The following FBXO36 variants were observed in gnomAD, a reference collection of about 807,000 sequenced individuals.
FBXO36 encodes the protein F-box only protein 36.
In FBXO36, 18 loss-of-function variants were observed where a neutral mutation model predicts 17.0. The observed-to-expected ratio is 1.06, with a 90% CI of 0.73 to 1.57. The LOEUF is 1.57. FBXO36 is among the 40% of genes most tolerant of loss of function. The probability of loss-of-function intolerance (pLI) is 0.00; values close to 1 mark genes in which losing one functional copy is unlikely to be tolerated. For synonymous variants in FBXO36, 83 were observed against 85.3 expected (o/e 0.97, Z 0.15); for missense variants, 229 against 221.9 (o/e 1.03, Z -0.20).
chr2:230,004,274 A>C (rs550117680), intron 3 of FBXO36, among the ~76,000 whole-genome samples: 1 of 152,286 alleles, frequency 6.6e-6, no homozygotes, highest in African/African-American at 2.4e-5. Flanking sequence ...GCCAAGCTCA[A>C]GGGCAAGGAT....
At chr2:229,954,990 C>T (rs1577339120) in intron 1 of FBXO36, among the ~76,000 whole-genome samples, 1 of 151,900 alleles carries the variant, frequency 6.6e-6, no homozygotes, top group African/African-American at 2.4e-5. Flanking sequence ...GCTGGGACTA[C>T]GGACATGCGC....
chr2:229,929,094 C>T (rs1194126965), intron 1 of FBXO36, among the ~76,000 whole-genome samples: 4 of 151,716 alleles, frequency 2.6e-5, no homozygotes, highest in South Asian at 2.1e-4. Flanking sequence ...CCACCCCGCC[C>T]GGCTAATTTT....
chr2:230,005,276 G>A (rs967567801), intron 3 of FBXO36, among the ~76,000 whole-genome samples: 1 of 148,156 alleles, frequency 6.7e-6, no homozygotes, highest in East Asian at 2.0e-4. Flanking sequence ...TAATTTTTGT[G>A]TTTTTTGTAG....
intron 2 of FBXO36, among the ~76,000 whole-genome samples, chr2:229,991,408 G>A (rs1320114325): frequency 6.6e-6 from 1 of 152,132 alleles, no homozygotes; most frequent in Non-Finnish European, 1.5e-5. Flanking sequence ...GGTTAAATAA[G>A]GTCTTTAAGT....
At chr2:229,946,021 TAA>T (rs879810897) in intron 1 of FBXO36, among the ~76,000 whole-genome samples, 52 of 125,086 alleles carry the variant, frequency 4.2e-4, no homozygotes, top group Non-Finnish European at 4.1e-4. Context: ...AAACTCCATC[TAA>T]AAAAAAAAAA....
At chr2:229,940,895 G>A (rs1577330994) in intron 1 of FBXO36, among the ~76,000 whole-genome samples, 1 of 152,264 alleles carries the variant, frequency 6.6e-6, no homozygotes, top group East Asian at 1.9e-4. Context: ...TGACAGTCCT[G>A]AGTGTGTAAA....
chr2:229,941,359 G>A (rs2076997834), intron 1 of FBXO36, among the ~76,000 whole-genome samples: 1 of 152,158 alleles, frequency 6.6e-6, no homozygotes, highest in Non-Finnish European at 1.5e-5. Flanking sequence ...GGAGGCTGAG[G>A]CAGGAGAATT....
intron 3 of FBXO36, among the ~76,000 whole-genome samples, chr2:230,000,902 C>CTGGA (rs2077355192): frequency 1.5e-5 from 2 of 135,494 alleles, no homozygotes; most frequent in Non-Finnish European, 1.5e-5. Flanking sequence ...GTCACCCAGG[C>CTGGA]TGGAGTTCAG....
intron 1 of FBXO36, among the ~76,000 whole-genome samples, chr2:229,941,336 T>G (rs1403247380): frequency 6.6e-6 from 1 of 152,070 alleles, no homozygotes; most frequent in Non-Finnish European, 1.5e-5. Context: ...ACGCCTGTAG[T>G]CCCAGGTACT....
intron 1 of FBXO36, among the ~76,000 whole-genome samples, chr2:229,958,687 C>T (rs529307810): frequency 2.6e-5 from 4 of 152,232 alleles, no homozygotes; most frequent in South Asian, 2.1e-4. Context: ...TGACTCACCC[C>T]GTCCCTCTGC....
At chr2:229,980,299 G>T (rs1243243423) in intron 2 of FBXO36, among the ~76,000 whole-genome samples, 1 of 152,146 alleles carries the variant, frequency 6.6e-6, no homozygotes, top group African/African-American at 2.4e-5. Context: ...GGCCTCAAGT[G>T]ATCTGGCTGC....
intron 1 of FBXO36, among the ~76,000 whole-genome samples, chr2:229,948,135 A>C (rs1423151307): frequency 1.4e-5 from 2 of 145,024 alleles, no homozygotes; most frequent in African/African-American, 2.5e-5. Context: ...CTTTCTCTAC[A>C]AAAAAAAAAA....
At chr2:229,999,450 AG>A (rs1193966326) in intron 3 of FBXO36, among the ~76,000 whole-genome samples, 5 of 149,886 alleles carry the variant, frequency 3.3e-5, no homozygotes, top group Admixed American at 6.7e-5. Flanking sequence ...TCTGTATTAT[AG>A]TACTTAATAT....
chr2:229,956,651 T>A (rs2077089583), intron 1 of FBXO36, among the ~76,000 whole-genome samples: 1 of 152,172 alleles, frequency 6.6e-6, no homozygotes, highest in Non-Finnish European at 1.5e-5. Flanking sequence ...TCTCCCTACA[T>A]GATGGGATTC....
chr2:229,992,161 A>G (rs1054231672), intron 2 of FBXO36, among the ~76,000 whole-genome samples: 1 of 151,250 alleles, frequency 6.6e-6, no homozygotes, highest in Non-Finnish European at 1.5e-5. Context: ...TTTCTCATTT[A>G]ATCTTTTTTT....
rs531743078 is a variant in FBXO36 at position 229,936,156 on chromosome 2, G to T, written c.96+13547G>T. Among the ~76,000 whole-genome samples the T allele has an allele frequency of 5.9e-5, 9 of 152,266 alleles. No homozygotes were observed. The South Asian group carries it at 1.9e-3, about 32-fold the overall frequency. The stretch of plus-strand genomic sequence containing the variant: ...CGAGGTCACGCACCATTGCACTCCA[G>T]CCTGGGCAACAAGAGTGAAACTCCG... On this transcript the variant is annotated intron_variant, in intron 1 of 3. Coordinates refer to ENST00000283946, the MANE Select transcript of FBXO36 (RefSeq NM_174899.5).
At chr2:229,957,596 G>A (rs2077095699) in intron 1 of FBXO36, among the ~76,000 whole-genome samples, 8 of 152,048 alleles carry the variant, frequency 5.3e-5, no homozygotes, top group Admixed American at 5.3e-4. Context: ...AAAACAATGA[G>A]GTGACCATTT....
chr2:229,995,545 TTC>T (rs1330317411), intron 2 of FBXO36, among the ~76,000 whole-genome samples: 5 of 151,342 alleles, frequency 3.3e-5, no homozygotes, highest in South Asian at 2.1e-4. Context: ...TTTATATTTT[TTC>T]TCTTTCTTTC....
chr2:229,943,793 G>GAGA, intron 1 of FBXO36, among the ~76,000 whole-genome samples: 1 of 152,246 alleles, frequency 6.6e-6, no homozygotes, highest in East Asian at 1.9e-4. Context: ...AGCAGTGTCT[G>GAGA]TTTGCTGAAT....
Sources: gnomAD v4.1 joint callset for allele counts (sites outside exome capture counted in the v4.1 genomes callset) on GRCh38, gnomAD v4.1.1 for gene constraint, MANE v1.5 for transcripts, NCBI Gene and HGNC (gene_info 2026-07-23, HGNC 2026-07-21) for gene names.